TLE4: variants seen among roughly 807,000 people sequenced by gnomAD.
TLE4 encodes the protein TLE family member 4, transcriptional corepressor.
In TLE4, 8 loss-of-function variants were observed where a neutral mutation model predicts 92.8. The observed-to-expected ratio is 0.09, with a 90% confidence interval of 0.05 to 0.16. TLE4 has a LOEUF of 0.16. TLE4 is among the 10% of genes least tolerant of loss of function. The pLI is 1.00. For synonymous variants in TLE4, 371 were observed against 374.1 expected (o/e 0.99, Z 0.10); for missense variants, 675 against 997.6 (o/e 0.68, Z 4.36).
rs116026042 is a variant in TLE4, at chr9:79,585,938, T to G, written c.252+9761T>G. 6.2e-3 allele frequency among the ~76,000 whole-genome samples: 951 copies of G among 152,206 alleles called. 7 individuals are homozygous for G. The highest frequency in any genetic ancestry group is 0.021 in the African/African-American group (875 of 41,556). On this transcript the variant is annotated intron_variant, in intron 4 of 19. Coordinates refer to ENST00000376552, the MANE Select transcript of TLE4 (RefSeq NM_007005.6). Reference sequence around the variant, plus strand: ...GGTTTACAATTCACTGATTCTCTTATGGCCAGCGTTCAGGCTAAAGTAATG... The same window carrying G: ...GGTTTACAATTCACTGATTCTCTTAGGGCCAGCGTTCAGGCTAAAGTAATG...
chr9:79,612,579 C>A, intron 4 of TLE4, 77 bp from the exon 5 acceptor site: 1 of 1,260,170 alleles, frequency 7.9e-7, no homozygotes, highest in Admixed American at 1.7e-5. Context: ...GTTTTAATAT[C>A]ATCCTGTTAA....
intron 18 of TLE4, among the ~76,000 whole-genome samples, 156 bp from the exon 19 acceptor site, chr9:79,722,803 G>A (rs547140872): frequency 1.3e-5 from 2 of 152,248 alleles, no homozygotes; most frequent in East Asian, 1.9e-4. Flanking sequence ...TTAGTGACTC[G>A]ATTAAATCCA....
intron 6 of TLE4, among the ~76,000 whole-genome samples, chr9:79,643,436 T>C (rs2057541866): frequency 6.6e-6 from 1 of 152,216 alleles, no homozygotes; most frequent in Non-Finnish European, 1.5e-5. Context: ...CCACAAAATG[T>C]CCTTAATAGC....
At chr9:79,579,518 A>G (rs557701569) in intron 4 of TLE4, among the ~76,000 whole-genome samples, 64 of 152,348 alleles carry the variant, frequency 4.2e-4, no homozygotes, top group Middle Eastern at 3.4e-3. Flanking sequence ...ACTTCCTTAT[A>G]GTTAGTATTC....
At chr9:79,583,196 A>T (rs557630559) in intron 4 of TLE4, among the ~76,000 whole-genome samples, 1 of 152,090 alleles carries the variant, frequency 6.6e-6, no homozygotes, top group East Asian at 1.9e-4. Context: ...GGCTGTTGCT[A>T]TTTCTATATC....
At chr9:79,581,652 A>C (rs2039703560) in intron 4 of TLE4, among the ~76,000 whole-genome samples, 1 of 152,260 alleles carries the variant, frequency 6.6e-6, no homozygotes, top group South Asian at 2.1e-4. Flanking sequence ...AAAGTTGATT[A>C]AACAGGGTCA....
At chr9:79,659,679 A>G (rs2060256975) in intron 8 of TLE4, among the ~76,000 whole-genome samples, 1 of 152,150 alleles carries the variant, frequency 6.6e-6, no homozygotes, top group Non-Finnish European at 1.5e-5. Flanking sequence ...CAATTCCACA[A>G]AGCAGATTAA....
chr9:79,573,426 GA>G, intron 1 of TLE4: 1 of 1,192,060 alleles, frequency 8.4e-7, no homozygotes, highest in Non-Finnish European at 1.1e-6. Context: ...TTTGGCCGGG[GA>G]GGGGAGACGG....
intron 8 of TLE4, among the ~76,000 whole-genome samples, chr9:79,659,794 T>C (rs2060274555): frequency 6.6e-6 from 1 of 152,206 alleles, no homozygotes; most frequent in Non-Finnish European, 1.5e-5. Context: ...AAGTACTTAA[T>C]ATATTTTTAA....
chr9:79,617,376 A>T (rs17082577), intron 5 of TLE4, among the ~76,000 whole-genome samples: 7,101 of 152,180 alleles, frequency 0.047, 542 homozygotes, highest in African/African-American at 0.15. Flanking sequence ...TTGTTTCCCT[A>T]TAAGGATCAC....
At chr9:79,629,229 G>A (rs1385166429) in intron 6 of TLE4, among the ~76,000 whole-genome samples, 2 of 151,652 alleles carry the variant, frequency 1.3e-5, no homozygotes, top group Non-Finnish European at 2.9e-5. Context: ...CTTTTTTTGA[G>A]TCTTTTAATG....
chr9:79,641,827 C>A (rs2057203577), intron 6 of TLE4, among the ~76,000 whole-genome samples: 1 of 152,128 alleles, frequency 6.6e-6, no homozygotes, highest in African/African-American at 2.4e-5. Context: ...ATACCATCTC[C>A]CACTGACTCT....
intron 19 of TLE4, among the ~76,000 whole-genome samples, chr9:79,724,337 A>G (rs955599184): frequency 6.6e-6 from 1 of 152,014 alleles, no homozygotes; most frequent in Admixed American, 6.6e-5. Flanking sequence ...CCACAGCTCA[A>G]CCTGACTCCA....
intron 6 of TLE4, among the ~76,000 whole-genome samples, chr9:79,647,776 A>G (rs1181368360): frequency 2.6e-5 from 4 of 152,052 alleles, no homozygotes; most frequent in Non-Finnish European, 5.9e-5. Flanking sequence ...GCACATATAT[A>G]TGTATTTAAA....
chr9:79,697,296 T>A (rs2068528370), intron 8 of TLE4, among the ~76,000 whole-genome samples: 2 of 152,184 alleles, frequency 1.3e-5, no homozygotes, highest in Non-Finnish European at 2.9e-5. Context: ...GTTGGCAATT[T>A]TTATTACAAT....
At chr9:79,692,479 GACAGATCCCAGAA>G (rs1207435966) in intron 8 of TLE4, among the ~76,000 whole-genome samples, 2 of 152,170 alleles carry the variant, frequency 1.3e-5, no homozygotes, top group African/African-American at 2.4e-5. Flanking sequence ...TGCCTTTTAG[GACAGATCCCAGAA>G]ACAATCATGA....
At chr9:79,631,622 G>A (rs1458181144) in intron 6 of TLE4, among the ~76,000 whole-genome samples, 1 of 140,956 alleles carries the variant, frequency 7.1e-6, no homozygotes, top group African/African-American at 2.9e-5. Flanking sequence ...TTAAATGTGT[G>A]TGTGTGTGTG....
chr9:79,607,633 C>T (rs984237929), intron 4 of TLE4, among the ~76,000 whole-genome samples: 2 of 149,638 alleles, frequency 1.3e-5, no homozygotes, highest in African/African-American at 5.1e-5. Flanking sequence ...ATGGGGAATC[C>T]TTTCCCCATT....
chr9:79,583,482 A>T (rs1398694945), intron 4 of TLE4, among the ~76,000 whole-genome samples: 1 of 152,190 alleles, frequency 6.6e-6, no homozygotes, highest in East Asian at 1.9e-4. Context: ...GTGCGAGACA[A>T]TACTCTATCC....
Sources: gnomAD v4.1 joint callset for allele counts (sites outside exome capture counted in the v4.1 genomes callset) on GRCh38, gnomAD v4.1.1 for gene constraint, MANE v1.5 for transcripts, NCBI Gene and HGNC (gene_info 2026-07-23, HGNC 2026-07-21) for gene names.